F9: variants seen among roughly 807,000 people sequenced by gnomAD.
F9 encodes Christmas factor.
Under a neutral mutation model 34.1 loss-of-function variants are expected in F9, and 2 were observed. The observed-to-expected ratio is 0.06, with a 90% confidence interval of 0.02 to 0.18. The LOEUF (loss-of-function observed/expected upper bound fraction) is 0.18, where lower values mean the gene tolerates loss of function less well. Among genes scored for constraint, F9 ranks in the 10% least tolerant of loss-of-function variants. The probability of loss-of-function intolerance (pLI) is 1.00; values close to 1 mark genes in which losing one functional copy is unlikely to be tolerated. For synonymous variants in F9, 137 were observed against 118.8 expected, an observed-to-expected ratio of 1.15 and a Z score of -1.00; for missense variants, 216 against 345.1, an observed-to-expected ratio of 0.63 and a Z score of 2.96.
At chrX:139,546,766 T>G (rs913097139) in intron 4 of F9, among the ~76,000 whole-genome samples, 2 of 111,492 alleles carry the variant, frequency 1.8e-5, no homozygotes, top group Admixed American at 9.6e-5. Context: ...GTGCAAGAAC[T>G]CTACATAAAA....
chrX:139,563,261 C>A lies in F9; in HGVS notation c.*1190C>A, dbSNP rs1301853798. 1 of 110,527 alleles carries A rather than the reference C, an allele frequency of 9.0e-6. No homozygotes were observed. Among genetic ancestry groups the A allele is most frequent in the Admixed American group, 9.7e-5 (1 of 10,317 alleles). 9.1% of individuals were successfully genotyped at this position (110,527 alleles called of 1,213,427 possible). ...CATGTCTCCTTTAACTAGCATACCC[C>A]GAAGTGGAGAAGGGTGCAGCAGGCT... On this transcript the variant is annotated 3_prime_UTR_variant, in exon 8 of 8. Transcript: ENST00000218099.
At chrX:139,531,561 A>G (rs1274535281) in intron 1 of F9, among the ~76,000 whole-genome samples, 1 of 112,513 alleles carries the variant, frequency 8.9e-6, no homozygotes, top group Non-Finnish European at 1.9e-5. Flanking sequence ...GAATTGACAT[A>G]AAGAGTAGGA....
At chrX:139,554,315 T>C (rs1438197769) in intron 6 of F9, among the ~76,000 whole-genome samples, 3 of 111,994 alleles carry the variant, frequency 2.7e-5, no homozygotes, top group Non-Finnish European at 3.8e-5. Context: ...CACTCCCTAT[T>C]TCATCCACAT....
chrX:139,539,609 C>A (rs1927558672), intron 3 of F9, among the ~76,000 whole-genome samples: 1 of 112,651 alleles, frequency 8.9e-6, no homozygotes. Context: ...GTGTAGCTGG[C>A]TGAAAGCCCA....
rs4149706 is a variant in F9 at position 139,546,942 on chromosome X, C to T, written c.392-1421C>T. Among the ~76,000 whole-genome samples, 649 of 111,388 alleles carry T rather than the reference C, an allele frequency of 5.8e-3. 3 individuals carry two copies. The highest frequency in any genetic ancestry group is 0.02 in the African/African-American group (615 of 30,733). ...CAGGCTTTTTTTGGTGGTGGGAGGT[C>T]GGGCAGGATTCATAAGCTAATTATA... On this transcript the variant is annotated intron_variant, in intron 4 of 7. Coordinates refer to ENST00000218099, the MANE Select transcript of F9 (RefSeq NM_000133.4).
At chrX:139,540,975 G>T in intron 3 of F9, 101 bp from the exon 4 acceptor site, 1 of 583,768 alleles carries the variant, frequency 1.7e-6, no homozygotes. Flanking sequence ...GTTTTGCTCT[G>T]ACCCTAAAAT....
At chrX:139,533,097 G>T (rs1408415731) in intron 1 of F9, among the ~76,000 whole-genome samples, 1 of 111,442 alleles carries the variant, frequency 9.0e-6, no homozygotes, top group Non-Finnish European at 1.9e-5. Flanking sequence ...AGACATAAAG[G>T]CTAGAACCTG....
intron 1 of F9, among the ~76,000 whole-genome samples, chrX:139,535,338 G>A (rs773058316): frequency 4.6e-5 from 5 of 108,748 alleles, no homozygotes; most frequent in East Asian, 2.9e-4. Context: ...CAGCCTGGGC[G>A]ACAGAGCAAG....
intron 6 of F9, among the ~76,000 whole-genome samples, chrX:139,551,637 T>A (rs1161750343): frequency 9.1e-6 from 1 of 110,036 alleles, no homozygotes; most frequent in Non-Finnish European, 1.9e-5. Flanking sequence ...CTAAGAAAAA[T>A]TGGATTATTT....
In F9 at chrX:139,562,226, G is replaced by C. The variant is rs1289758088; in HGVS notation, c.*155G>C. On this transcript the variant is annotated 3_prime_UTR_variant, in exon 8 of 8. Coordinates refer to ENST00000218099, the MANE Select transcript of F9 (RefSeq NM_000133.4). The stretch of plus-strand genomic sequence containing the variant: ...CAGGGGAGAATTTCATATTTTACCT[G>C]AGCAAATTGATTAGAAAATGGAACC... 5 of 499,719 alleles carry C rather than the reference G, an allele frequency of 1.0e-5. No homozygotes were observed. Among genetic ancestry groups the C allele is most frequent in the Non-Finnish European group, 1.6e-5 (5 of 305,470 alleles). The allele number at this position is 499,719 out of a possible 1,213,427, so 41.2% of individuals were successfully genotyped here. A position where few individuals can be genotyped will look rare whatever the true frequency, so the allele number is the denominator to read the frequency against.
intron 6 of F9, among the ~76,000 whole-genome samples, chrX:139,556,458 T>TAAA (rs1026418539): frequency 8.9e-6 from 1 of 112,056 alleles, no homozygotes; most frequent in African/African-American, 3.2e-5. Context: ...CAATCCTTTC[T>TAAA]GTTCGATTAG....
chrX:139,544,744 G>A (rs761830437), intron 4 of F9: 3 of 111,598 alleles, frequency 2.7e-5, no homozygotes, highest in Non-Finnish European at 5.7e-5. Context: ...AAGAGGATGA[G>A]TTATCAAACT....
intron 1 of F9, among the ~76,000 whole-genome samples, chrX:139,535,927 G>A (rs187818903): frequency 1.9e-4 from 21 of 110,030 alleles, no homozygotes; most frequent in Admixed American, 9.8e-4. Flanking sequence ...ATTGCTCCTA[G>A]GCTCCTGGGC....
intron 6 of F9, among the ~76,000 whole-genome samples, chrX:139,556,763 C>A (rs781638411): frequency 8.9e-6 from 1 of 112,249 alleles, no homozygotes; most frequent in Non-Finnish European, 1.9e-5. Context: ...CCATTAAAAA[C>A]CAAAGTGAGC....
chrX:139,560,506 C>T lies in F9; in HGVS notation c.724-235C>T, dbSNP rs970487510. On this transcript the variant is annotated intron_variant, in intron 6 of 7. Coordinates refer to ENST00000218099, the MANE Select transcript of F9 (RefSeq NM_000133.4). ...AAGCCATTCCTCAGATTTGCCTAAGCTTAAGCTTCCCTGTCTCTCATTGTG... is the reference window on the plus strand; with the variant it reads ...AAGCCATTCCTCAGATTTGCCTAAGTTTAAGCTTCCCTGTCTCTCATTGTG... 4.5e-5 allele frequency among the ~76,000 whole-genome samples: 5 copies of T among 112,192 alleles called. 1 individual carries two copies. The highest frequency in any genetic ancestry group is 2.8e-4 in the East Asian group (1 of 3,542).
At chrX:139,557,932 C>A (rs773953097) in intron 6 of F9, among the ~76,000 whole-genome samples, 2 of 112,536 alleles carry the variant, frequency 1.8e-5, no homozygotes, top group South Asian at 3.7e-4. Flanking sequence ...TCACTTCTCA[C>A]CACCTTCCGG....
At position 139,537,972 on chromosome X, in the gene F9, C is replaced by T. The variant is rs4149684; in HGVS notation, c.277+586C>T. On this transcript the variant is annotated intron_variant, in intron 3 of 7. Coordinates refer to ENST00000218099, the MANE Select transcript of F9 (RefSeq NM_000133.4). Reference sequence around the variant, plus strand: ...TGTGGGCTGACTCCCTCACCTCCTTCGGGTCTTTGCCCAAATGTTACCATC... The same window carrying T: ...TGTGGGCTGACTCCCTCACCTCCTTTGGGTCTTTGCCCAAATGTTACCATC... Among the ~76,000 whole-genome samples, 189 of 111,348 alleles carry T rather than the reference C, an allele frequency of 1.7e-3. 1 individual carries two copies. The highest frequency in any genetic ancestry group is 5.9e-3 in the African/African-American group (180 of 30,654).
At chrX:139,539,073 A>G (rs762099884) in intron 3 of F9, among the ~76,000 whole-genome samples, 3 of 112,136 alleles carry the variant, frequency 2.7e-5, no homozygotes, top group African/African-American at 3.2e-5. Context: ...TAGAAACCCA[A>G]GCTTCTCACT....
intron 4 of F9, among the ~76,000 whole-genome samples, chrX:139,541,642 C>T (rs749078415): frequency 8.9e-6 from 1 of 111,808 alleles, no homozygotes; most frequent in Non-Finnish European, 1.9e-5. Context: ...TTGCTATCAA[C>T]ATAGGTAGTG....
Sources: gnomAD v4.1 joint callset for allele counts (sites outside exome capture counted in the v4.1 genomes callset) on GRCh38, gnomAD v4.1.1 for gene constraint, MANE v1.5 for transcripts, NCBI Gene and HGNC (gene_info 2026-07-23, HGNC 2026-07-21) for gene names.